The following INTS6 variants were observed in gnomAD, a reference collection of about 807,000 sequenced individuals.
INTS6 encodes DEAD box protein.
INTS6 carries 16 observed loss-of-function variants against 104.9 expected under a neutral mutation model. That is an observed-to-expected ratio of 0.15 (90% CI 0.10 to 0.23). The LOEUF is 0.23. Among genes scored for constraint, INTS6 ranks in the 10% least tolerant of loss-of-function variants. The pLI, the probability that INTS6 is intolerant of heterozygous loss-of-function variation, is 1.00. For missense variants in INTS6, 584 were observed against 1,062.8 expected (o/e 0.55, Z 6.26); for synonymous variants, 324 against 358.7 (o/e 0.90, Z 1.09).
the INTS6 span, chr13:51,344,348 A>G: frequency 6.2e-7 from 1 of 1,613,798 alleles, no homozygotes; most frequent in East Asian, 2.2e-5. Flanking sequence ...CTTTTTGTGC[A>G]AGTGGGAACG....
At chr13:51,431,270 G>A (rs1220724324) in intron 3 of INTS6, among the ~76,000 whole-genome samples, 1 of 152,114 alleles carries the variant, frequency 6.6e-6, no homozygotes, top group East Asian at 1.9e-4. Flanking sequence ...TGAAATCAAA[G>A]GTATCAAATT....
chr13:51,384,151 A>T (rs1235006842), intron 7 of INTS6: 3 of 158,166 alleles, frequency 1.9e-5, no homozygotes, highest in African/African-American at 7.2e-5. Flanking sequence ...ATTTCTAATT[A>T]TACAAATTAT....
At position 51,411,858 on chromosome 13, in the gene INTS6, A is replaced by T. The variant is rs1956693684; in HGVS notation, c.430-16375T>A. On this transcript the variant is annotated intron_variant, in intron 4 of 17. Coordinates refer to ENST00000311234, the MANE Select transcript of INTS6 (RefSeq NM_012141.3). ...AAATAAAACATAGGTCTACAAAAAG[A>T]CTTGTATACCAATGTTCACAGTAGC... Among the ~76,000 whole-genome samples, 3 of 152,352 alleles carry T rather than the reference A, an allele frequency of 2.0e-5. No individual in the cohort carries two copies. In the South Asian group the frequency reaches 6.2e-4, roughly 32 times the overall value.
chr13:51,382,776 T>C (rs1008484514), intron 9 of INTS6, among the ~76,000 whole-genome samples: 3 of 152,188 alleles, frequency 2.0e-5, no homozygotes, highest in African/African-American at 7.2e-5. Flanking sequence ...AATTAAAAAA[T>C]TTAAAATGTA....
rs1206899637 is a variant in INTS6, at chr13:51,409,265, A to ATAATAG, written c.430-13783_430-13782insCTATTA. Among the ~76,000 whole-genome samples the ATAATAG allele has an allele frequency of 1.2e-3, 10 of 8,338 alleles. No individual in the cohort carries two copies. In the East Asian group the frequency reaches 0.029, roughly 24 times the overall value. The allele number at this position is 8,338 out of a possible 152,430, so 5.5% of individuals were successfully genotyped here. A position where few individuals can be genotyped will look rare whatever the true frequency, so the allele number is the denominator to read the frequency against. On this transcript the variant is annotated intron_variant, in intron 4 of 17. Coordinates refer to ENST00000311234, the MANE Select transcript of INTS6 (RefSeq NM_012141.3). ...GTGACAGAGTGAGAATCCGTCTCAAATAATAATAATAATAATAATAATAAT... is the reference window on the plus strand; with the variant it reads ...GTGACAGAGTGAGAATCCGTCTCAAATAATAGTAATAATAATAATAATAATAATAAT...
intron 3 of INTS6, chr13:51,447,501 T>C (rs1455164282): frequency 6.6e-6 from 1 of 152,090 alleles, no homozygotes; most frequent in South Asian, 2.1e-4. Flanking sequence ...ACATTCACCA[T>C]AGAAAATCCT....
At chr13:51,420,295 CTTAA>C (rs1371031551) in intron 4 of INTS6, among the ~76,000 whole-genome samples, 1 of 146,936 alleles carries the variant, frequency 6.8e-6, no homozygotes, top group African/African-American at 2.5e-5. Context: ...ATGGTACATA[CTTAA>C]TTTTTTTTTT....
rs1380409935 is a variant in INTS6 at position 51,453,025 on chromosome 13, C to G, written c.-500G>C. Reference sequence around the variant, plus strand: ...GTGTCACCACTTTCTCAGCCCCTCTCGCTACTGAAGCGCTTTTCTCTCTCA... The same window carrying G: ...GTGTCACCACTTTCTCAGCCCCTCTGGCTACTGAAGCGCTTTTCTCTCTCA... On this transcript the variant is annotated 5_prime_UTR_variant, in exon 1 of 18. Coordinates refer to ENST00000311234, the MANE Select transcript of INTS6 (RefSeq NM_012141.3). The G allele has an allele frequency of 9.9e-7, 1 of 1,011,304 alleles. No homozygotes were observed. Among genetic ancestry groups the G allele is most frequent in the Non-Finnish European group, 1.2e-6 (1 of 846,070 alleles). The allele number at this position is 1,011,304 out of a possible 1,614,324, so 62.6% of individuals were successfully genotyped here.
chr13:51,437,163 T>C (rs977245738), intron 3 of INTS6: 7 of 152,180 alleles, frequency 4.6e-5, no homozygotes, highest in Non-Finnish European at 7.4e-5. Context: ...AAAACCAAGA[T>C]GTAAACATAT....
At chr13:51,379,233 A>T (rs760087054) in intron 11 of INTS6, among the ~76,000 whole-genome samples, 1 of 151,954 alleles carries the variant, frequency 6.6e-6, no homozygotes, top group African/African-American at 2.4e-5. Flanking sequence ...CACACTCATG[A>T]AGCCATTTTC....
At chr13:51,355,292 T>C in intron 3 of INTS6, 3 of 577,300 alleles carry the variant, frequency 5.2e-6, no homozygotes, top group Non-Finnish European at 9.2e-6. Context: ...TTGCTTCTAA[T>C]AACAGTCAAA....
chr13:51,347,555 T>A, the INTS6 span, among the ~76,000 whole-genome samples: 1 of 152,248 alleles, frequency 6.6e-6, no homozygotes, highest in Admixed American at 6.5e-5. Flanking sequence ...CGGGATTGAA[T>A]GGCTGCTCCT....
At chr13:51,392,367 C>T (rs1015594974) in intron 5 of INTS6, among the ~76,000 whole-genome samples, 21 of 152,160 alleles carry the variant, frequency 1.4e-4, no homozygotes, top group African/African-American at 4.8e-4. Flanking sequence ...CCTGTTGCTT[C>T]CAAACATATA....
At chr13:51,442,714 T>C (rs2138146493) in intron 3 of INTS6, 1 of 152,370 alleles carries the variant, frequency 6.6e-6, no homozygotes, top group South Asian at 2.1e-4. Flanking sequence ...GAACTGTGCA[T>C]GCAAGGGGTC....
chr13:51,344,324 A>G, the INTS6 span: 1 of 1,613,682 alleles, frequency 6.2e-7, no homozygotes, highest in Non-Finnish European at 8.5e-7. Flanking sequence ...ACCGAGATGG[A>G]GCTGGCCTGC....
chr13:51,344,781 G>A, the INTS6 span, among the ~76,000 whole-genome samples: 5 of 152,098 alleles, frequency 3.3e-5, no homozygotes, highest in East Asian at 9.6e-4. Context: ...CACCTCGGAG[G>A]ACCCCACAGG....
At chr13:51,449,885 A>T in intron 3 of INTS6, 4 of 985,344 alleles carry the variant, frequency 4.1e-6, no homozygotes, top group Non-Finnish European at 4.8e-6. Context: ...TAAACGTTGG[A>T]AGTTCAATTT....
chr13:51,347,130 G>A, the INTS6 span: 6 of 1,613,536 alleles, frequency 3.7e-6, no homozygotes, highest in African/African-American at 1.3e-5. Flanking sequence ...GGCACTTGGC[G>A]AAAGAGATTC....
chr13:51,375,363 A>G (rs1431583523), intron 13 of INTS6, among the ~76,000 whole-genome samples: 2 of 151,338 alleles, frequency 1.3e-5, no homozygotes, highest in African/African-American at 2.4e-5. Flanking sequence ...AAAAAAAAAA[A>G]AAAAAGTATG....
Sources: gnomAD v4.1 joint callset for allele counts (sites outside exome capture counted in the v4.1 genomes callset) on GRCh38, gnomAD v4.1.1 for gene constraint, MANE v1.5 for transcripts, NCBI Gene and HGNC (gene_info 2026-07-23, HGNC 2026-07-21) for gene names.